UGT1A8: variants seen among roughly 807,000 people sequenced by gnomAD.
UGT1A8 encodes the protein UDP-glucuronosyltransferase 1A8.
Under a neutral mutation model 45.3 loss-of-function variants are expected in UGT1A8, and 39 were observed. The ratio of observed to expected loss-of-function variants is 0.86; its 90% confidence interval spans 0.67 to 1.12. The LOEUF (loss-of-function observed/expected upper bound fraction) is 1.12. Ranked by LOEUF, UGT1A8 falls within the 50% of genes most tolerant of loss-of-function variation. The probability of loss-of-function intolerance (pLI) is 0.00; values close to 1 mark genes in which losing one functional copy is unlikely to be tolerated. For missense variants in UGT1A8, 719 were observed against 664.9 expected, an observed-to-expected ratio of 1.08 and a Z score of -0.90; for synonymous variants, 275 against 249.2, an observed-to-expected ratio of 1.10 and a Z score of -0.97.
intron 1 of UGT1A8, among the ~76,000 whole-genome samples, chr2:233,688,483 A>G (rs1485805060): frequency 1.3e-5 from 2 of 152,138 alleles, no homozygotes; most frequent in African/African-American, 4.8e-5. Context: ...TCCTATCTCC[A>G]TCCTTTTGGG....
intron 1 of UGT1A8, among the ~76,000 whole-genome samples, chr2:233,663,761 G>A (rs919705475): frequency 2.0e-5 from 3 of 152,144 alleles, no homozygotes; most frequent in Non-Finnish European, 4.4e-5. Context: ...AATGAACAAG[G>A]ACAGCTTGGA....
rs74433951 is a variant in UGT1A8, at chr2:233,626,402, C to T, written c.855+7840C>T. On this transcript the variant is annotated intron_variant, in intron 1 of 4. Coordinates refer to ENST00000373450, the MANE Select transcript of UGT1A8 (RefSeq NM_019076.5). Reference sequence around the variant, plus strand: ...TCTATCAGGTCATCTATTAATTCCTCGAGTGTGGTGTCTATTGACTCTTGA... The same window carrying T: ...TCTATCAGGTCATCTATTAATTCCTTGAGTGTGGTGTCTATTGACTCTTGA... Among the ~76,000 whole-genome samples, 1,257 of 152,044 alleles carry T rather than the reference C, an allele frequency of 8.3e-3. 21 individuals carry two copies. The highest frequency in any genetic ancestry group is 0.028 in the African/African-American group (1,168 of 41,506).
intron 1 of UGT1A8, chr2:233,729,792 C>A (rs370250320): frequency 4.3e-6 from 7 of 1,613,982 alleles, no homozygotes; most frequent in East Asian, 2.2e-5. Flanking sequence ...CCCTGTCCTA[C>A]ATTTGCCATG....
At chr2:233,643,804 AG>A (rs1280063913) in intron 1 of UGT1A8, among the ~76,000 whole-genome samples, 1 of 152,174 alleles carries the variant, frequency 6.6e-6, no homozygotes, top group African/African-American at 2.4e-5. Context: ...TTAAGGCAGC[AG>A]GTTCCCTTCT....
chr2:233,717,725 C>A (rs977761305), intron 1 of UGT1A8: 47 of 455,612 alleles, frequency 1.0e-4, no homozygotes, highest in Non-Finnish European at 1.9e-4. Flanking sequence ...GGGCATGAGA[C>A]CATTGTGAGT....
At chr2:233,651,108 G>C (rs181941188) in intron 1 of UGT1A8, among the ~76,000 whole-genome samples, 16 of 152,266 alleles carry the variant, frequency 1.1e-4, no homozygotes, top group Admixed American at 2.0e-4. Flanking sequence ...TCAGCTCTTG[G>C]CAAGAACAGG....
chr2:233,756,159 C>T (rs1012245411), intron 1 of UGT1A8: 2 of 152,210 alleles, frequency 1.3e-5, no homozygotes, highest in Non-Finnish European at 2.9e-5. Context: ...CCTAGGATTT[C>T]CTGGCTCATA....
chr2:233,735,021 C>G (rs939464650), intron 1 of UGT1A8, among the ~76,000 whole-genome samples: 5 of 152,270 alleles, frequency 3.3e-5, no homozygotes, highest in Non-Finnish European at 5.9e-5. Context: ...CTGTAGATGT[C>G]TATTAGGTCT....
chr2:233,693,738 C>T (rs781371157), intron 1 of UGT1A8: 5 of 1,614,170 alleles, frequency 3.1e-6, no homozygotes, highest in Non-Finnish European at 3.4e-6. Context: ...GATATAATCA[C>T]CTTATATCAG....
At chr2:233,692,262 T>G (rs1402145203) in intron 1 of UGT1A8, 1 of 152,496 alleles carries the variant, frequency 6.6e-6, no homozygotes, top group East Asian at 1.9e-4. Flanking sequence ...TCTTGTTCTT[T>G]GTACTTTTTC....
chr2:233,668,054 T>G (rs2074112688), intron 1 of UGT1A8, among the ~76,000 whole-genome samples: 1 of 103,318 alleles, frequency 9.7e-6, no homozygotes, highest in African/African-American at 5.1e-5. Flanking sequence ...TAGTTTACTG[T>G]GCACATTTTT....
intron 1 of UGT1A8, among the ~76,000 whole-genome samples, chr2:233,724,317 G>A (rs1449472256): frequency 4.8e-4 from 64 of 132,596 alleles, no homozygotes; most frequent in East Asian, 1.3e-3. Flanking sequence ...CCCGGACGGG[G>A]CGGCTGGCCA....
At chr2:233,749,248 AT>A (rs1216234192) in intron 1 of UGT1A8, among the ~76,000 whole-genome samples, 1 of 151,808 alleles carries the variant, frequency 6.6e-6, no homozygotes, top group Admixed American at 6.6e-5. Flanking sequence ...AAACCACATG[AT>A]TTTTTTATTG....
Position 233,768,314 on chromosome 2 carries a change from G to GT in UGT1A8, c.1173dup (p.Gly392TrpfsTer2). 1 of 1,614,180 alleles carries GT rather than the reference G, an allele frequency of 6.2e-7. No individual in the cohort carries two copies. Among genetic ancestry groups the GT allele is most frequent in the Non-Finnish European group, 8.5e-7 (1 of 1,180,040 alleles). ...GCGTTCCCATGGTGATGATGCCCTTGTTTGGTGATCAGATGGACAATGCAA... is the reference window on the plus strand; with the variant it reads ...GCGTTCCCATGGTGATGATGCCCTTGTTTTGGTGATCAGATGGACAATGCAA... On this transcript the variant is annotated frameshift_variant, in exon 4 of 5. Transcript: ENST00000373450. LOFTEE classifies it high-confidence loss of function.
chr2:233,624,212 A>G (rs1310894231), intron 1 of UGT1A8, among the ~76,000 whole-genome samples: 2 of 152,002 alleles, frequency 1.3e-5, no homozygotes, highest in Non-Finnish European at 2.9e-5. Flanking sequence ...ATGGGATCCC[A>G]TTGATACCAC....
chr2:233,647,916 A>G lies in UGT1A8; in HGVS notation c.855+29354A>G, dbSNP rs2073643466. ...ACTGAAGTTAGCCTCCAGGGAAGGTAGATCACTCACTGCCCATGGATGGGA... is the reference window on the plus strand; with the variant it reads ...ACTGAAGTTAGCCTCCAGGGAAGGTGGATCACTCACTGCCCATGGATGGGA... On this transcript the variant is annotated intron_variant, in intron 1 of 4. Coordinates refer to ENST00000373450, the MANE Select transcript of UGT1A8 (RefSeq NM_019076.5). 3 of 1,594,458 alleles carry G rather than the reference A, an allele frequency of 1.9e-6. 1 individual carries two copies. In the East Asian group the frequency reaches 6.7e-5, roughly 36 times the overall value.
intron 1 of UGT1A8, among the ~76,000 whole-genome samples, chr2:233,720,134 A>G (rs562111913): frequency 6.6e-6 from 1 of 152,212 alleles, no homozygotes; most frequent in South Asian, 2.1e-4. Flanking sequence ...ACCACAGGAG[A>G]CCTAGGCACT....
At chr2:233,730,412 A>G (rs2078028510) in intron 1 of UGT1A8, among the ~76,000 whole-genome samples, 1 of 152,204 alleles carries the variant, frequency 6.6e-6, no homozygotes, top group Non-Finnish European at 1.5e-5. Flanking sequence ...AATTGTTGAC[A>G]TGATAATTTT....
Position 233,637,097 on chromosome 2 carries a change from A to G in UGT1A8, c.855+18535A>G, listed in dbSNP as rs563572054. On this transcript the variant is annotated intron_variant, in intron 1 of 4. Transcript: ENST00000373450. The stretch of plus-strand genomic sequence containing the variant: ...CCTGCTCCTCTTTCCTATGTCCCCA[A>G]TGATCTCTTAGGGTTCTCAGATGCC... 4.5e-5 allele frequency: 73 copies of G among 1,613,906 alleles called. No homozygotes were observed. Among genetic ancestry groups the G allele is most frequent in the East Asian group, 2.9e-4 (13 of 44,874 alleles).
Sources: allele counts gnomAD v4.1 joint callset (sites outside exome capture counted in the v4.1 genomes callset), GRCh38; gene constraint gnomAD v4.1.1; transcripts MANE v1.5; gene names NCBI Gene and HGNC (gene_info 2026-07-23, HGNC 2026-07-21).